The following DPP10 variants were observed in gnomAD, a reference collection of about 807,000 sequenced individuals.
DPP10 encodes the protein dipeptidyl peptidase like 10.
Under a neutral mutation model 120.9 loss-of-function variants are expected in DPP10, and 33 were observed. That is an observed-to-expected ratio of 0.27 (90% CI 0.21 to 0.37). DPP10 has a LOEUF of 0.37. Ranked by LOEUF, DPP10 falls within the 10% of genes least tolerant of loss-of-function variation. DPP10 has a pLI of 1.00. For synonymous variants in DPP10, 337 were observed against 326.1 expected, an observed-to-expected ratio of 1.03 and a Z score of -0.36; for missense variants, 816 against 942.8, an observed-to-expected ratio of 0.87 and a Z score of 1.76.
At chr2:115,522,979 C>T (rs1424801657) in intron 4 of DPP10, among the ~76,000 whole-genome samples, 1 of 152,078 alleles carries the variant, frequency 6.6e-6, no homozygotes, top group African/African-American at 2.4e-5. Flanking sequence ...ACATTAAAGG[C>T]ATACACTAAG....
chr2:114,927,215 C>T (rs2104471831), intron 1 of DPP10, among the ~76,000 whole-genome samples: 2 of 152,114 alleles, frequency 1.3e-5, no homozygotes, highest in Middle Eastern at 6.8e-3. Context: ...AACACTGTAT[C>T]TCATGCTGGA....
chr2:115,336,244 A>C (rs1168245525), intron 2 of DPP10, among the ~76,000 whole-genome samples: 1 of 152,078 alleles, frequency 6.6e-6, no homozygotes, highest in Non-Finnish European at 1.5e-5. Flanking sequence ...TACCCATAGC[A>C]GTCTATGATC....
At chr2:115,764,643 T>C (rs1352760567) in intron 12 of DPP10, among the ~76,000 whole-genome samples, 1 of 152,192 alleles carries the variant, frequency 6.6e-6, no homozygotes, top group Admixed American at 6.6e-5. Flanking sequence ...TTATGCTATC[T>C]AATTTTTAAA....
chr2:114,762,667 C>T (rs1014429974), intron 1 of DPP10, among the ~76,000 whole-genome samples: 3 of 152,138 alleles, frequency 2.0e-5, no homozygotes, highest in African/African-American at 7.2e-5. Flanking sequence ...ACCAGACAGA[C>T]AAATCGAACA....
intron 1 of DPP10, among the ~76,000 whole-genome samples, chr2:114,523,249 AC>A (rs1191131101): frequency 6.6e-6 from 1 of 152,176 alleles, no homozygotes; most frequent in Admixed American, 6.5e-5. Flanking sequence ...GAGGGGCTGG[AC>A]TTTTGTTCCC....
intron 1 of DPP10, among the ~76,000 whole-genome samples, chr2:114,638,927 T>C (rs1695498516): frequency 6.6e-6 from 1 of 151,798 alleles, no homozygotes; most frequent in African/African-American, 2.4e-5. Flanking sequence ...ATATGGTAAA[T>C]ATATTACCAT....
intron 5 of DPP10, among the ~76,000 whole-genome samples, chr2:115,664,523 G>GA (rs547542680): frequency 2.4e-4 from 36 of 147,606 alleles, no homozygotes; most frequent in Admixed American, 8.2e-4. Flanking sequence ...ACTATATTGA[G>GA]AAAAAAAAAA....
rs185492770 is a variant in DPP10, at chr2:115,514,217, C to G, written c.367-11681C>G. ...CTTTGTCTAAGTTTTGTCAACTTGA[C>G]TATGATCTATCTATGTGTGGATCTT... On this transcript the variant is annotated intron_variant, in intron 4 of 25. Transcript: ENST00000410059. Among the ~76,000 whole-genome samples, 194 of 151,938 alleles carry G rather than the reference C, an allele frequency of 1.3e-3. 2 individuals are homozygous for G. Among genetic ancestry groups the G allele is most frequent in the African/African-American group, 4.6e-3 (191 of 41,524 alleles).
chr2:115,121,383 G>C (rs1004552183), intron 1 of DPP10, among the ~76,000 whole-genome samples: 2 of 152,146 alleles, frequency 1.3e-5, no homozygotes, highest in East Asian at 1.9e-4. Flanking sequence ...GGCAGCTCTC[G>C]AACCCAAAAG....
chr2:115,605,128 T>C (rs748246505), intron 5 of DPP10, among the ~76,000 whole-genome samples: 20 of 152,230 alleles, frequency 1.3e-4, no homozygotes, highest in Non-Finnish European at 5.9e-5. Flanking sequence ...TGGAATACCT[T>C]TACAAAATAA....
intron 1 of DPP10, among the ~76,000 whole-genome samples, chr2:114,999,537 T>C (rs1445142095): frequency 6.6e-6 from 1 of 152,196 alleles, no homozygotes; most frequent in African/African-American, 2.4e-5. Flanking sequence ...CTCCTCACAT[T>C]GTGCTCTGCA....
At chr2:114,825,727 C>T (rs1453966499) in intron 1 of DPP10, among the ~76,000 whole-genome samples, 7 of 152,076 alleles carry the variant, frequency 4.6e-5, no homozygotes, top group South Asian at 2.1e-4. Context: ...TTATTTAATG[C>T]GTGACGAGTC....
intron 11 of DPP10, among the ~76,000 whole-genome samples, chr2:115,758,331 AAAAAATCAGTT>A (rs1679682557): frequency 6.6e-6 from 1 of 152,092 alleles, no homozygotes; most frequent in African/African-American, 2.4e-5. Flanking sequence ...ATATTAAGAA[AAAAAATCAGTT>A]AAAATACCAC....
intron 1 of DPP10, among the ~76,000 whole-genome samples, chr2:115,280,352 A>G (rs2060107846): frequency 6.6e-6 from 1 of 152,174 alleles, no homozygotes; most frequent in African/African-American, 2.4e-5. Flanking sequence ...AGCCTTGAAT[A>G]TGAGGCTGAG....
intron 19 of DPP10, among the ~76,000 whole-genome samples, chr2:115,803,834 C>A (rs1352747196): frequency 6.6e-6 from 1 of 152,116 alleles, no homozygotes; most frequent in African/African-American, 2.4e-5. Context: ...TTGTGGGTAA[C>A]CCGACCTTTC....
intron 5 of DPP10, among the ~76,000 whole-genome samples, chr2:115,622,493 G>C (rs1240919758): frequency 7.7e-6 from 1 of 129,564 alleles, no homozygotes; most frequent in African/African-American, 2.8e-5. Context: ...AGGTTTTTCA[G>C]TGTTTCATTT....
intron 1 of DPP10, among the ~76,000 whole-genome samples, chr2:115,209,572 C>A (rs1405412378): frequency 6.6e-6 from 1 of 152,118 alleles, no homozygotes; most frequent in African/African-American, 2.4e-5. Flanking sequence ...TTTCTTATTA[C>A]TTTTCTTTGT....
chr2:114,590,244 T>A (rs562228796), intron 1 of DPP10, among the ~76,000 whole-genome samples: 2 of 152,156 alleles, frequency 1.3e-5, no homozygotes, highest in Non-Finnish European at 2.9e-5. Context: ...ATCTTATATC[T>A]GTAGCCAACT....
rs559183037 is a variant in DPP10 at position 114,464,162 on chromosome 2, A to G, written c.60+21324A>G. ...AATTGGGTAAATACCTAAAATTGCA[A>G]CTTATGGGGGATATGGTAAGTCTAA... is the stretch of plus-strand genomic sequence containing the variant. On this transcript the variant is annotated intron_variant, in intron 1 of 25. Transcript: ENST00000410059. 3.3e-5 allele frequency among the ~76,000 whole-genome samples: 5 copies of G among 152,326 alleles called. No individual in the cohort carries two copies. The East Asian group carries it at 9.6e-4, about 29-fold the overall frequency.
Sources: allele counts gnomAD v4.1 joint callset (sites outside exome capture counted in the v4.1 genomes callset), GRCh38; gene constraint gnomAD v4.1.1; transcripts MANE v1.5; gene names NCBI Gene and HGNC (gene_info 2026-07-23, HGNC 2026-07-21).